GPR37: variants seen among roughly 807,000 people sequenced by gnomAD.
GPR37 encodes G protein-coupled receptor 37.
A neutral mutation model predicts 43.6 loss-of-function variants in GPR37; 20 were observed. The observed-to-expected ratio is 0.46, with a 90% CI of 0.32 to 0.67. The LOEUF (loss-of-function observed/expected upper bound fraction) is 0.67, where lower values mean the gene tolerates loss of function less well. GPR37 is among the 30% of genes least tolerant of loss of function. GPR37 has a pLI of 0.03. For synonymous variants in GPR37, 315 were observed against 322.6 expected (o/e 0.98, Z 0.25); for missense variants, 724 against 797.2 (o/e 0.91, Z 1.11).
intron 1 of GPR37, among the ~76,000 whole-genome samples, chr7:124,750,839 T>A (rs1176072508): frequency 6.6e-6 from 1 of 152,102 alleles, no homozygotes; most frequent in East Asian, 1.9e-4. Flanking sequence ...ACCTTCAATC[T>A]CATAAGACAA....
intron 1 of GPR37, among the ~76,000 whole-genome samples, chr7:124,761,678 T>C (rs1478888366): frequency 6.6e-6 from 1 of 152,242 alleles, no homozygotes; most frequent in Admixed American, 6.5e-5. Flanking sequence ...CCTCTTACTT[T>C]TGTGAAAACA....
rs542721228 is a variant in GPR37 at position 124,760,587 on chromosome 7, G to A, written c.1023+3367C>T. ...TCATTATATAACAAATGATGTTTAC[G>A]GGTTTTTATTTTTTCCTGTCTAGTG... On this transcript the variant is annotated intron_variant, in intron 1 of 1. Coordinates refer to ENST00000303921, the MANE Select transcript of GPR37 (RefSeq NM_005302.5). Among the ~76,000 whole-genome samples, 100 of 152,114 alleles carry A rather than the reference G, an allele frequency of 6.6e-4. 2 individuals are homozygous for A. The highest frequency in any genetic ancestry group is 7.7e-4 in the East Asian group (4 of 5,176).
intron 1 of GPR37, among the ~76,000 whole-genome samples, 189 bp from the exon 2 acceptor site, chr7:124,747,532 G>A (rs1297080150): frequency 6.6e-6 from 1 of 152,120 alleles, no homozygotes; most frequent in East Asian, 1.9e-4. Context: ...ATCATTGTAA[G>A]CATAAAAAAA....
At chr7:124,755,225 ATATT>A (rs1360096547) in intron 1 of GPR37, among the ~76,000 whole-genome samples, 1 of 152,084 alleles carries the variant, frequency 6.6e-6, no homozygotes, top group Non-Finnish European at 1.5e-5. Flanking sequence ...TTATCAACTG[ATATT>A]TAGTCTGATA....
chr7:124,754,335 C>A (rs1423088026), intron 1 of GPR37, among the ~76,000 whole-genome samples: 1 of 152,132 alleles, frequency 6.6e-6, no homozygotes, highest in Non-Finnish European at 1.5e-5. Flanking sequence ...GTCTTAGCTA[C>A]TGCTGCATTT....
intron 1 of GPR37, among the ~76,000 whole-genome samples, chr7:124,752,309 A>G (rs1562958739): frequency 6.6e-6 from 1 of 152,160 alleles, no homozygotes; most frequent in Non-Finnish European, 1.5e-5. Flanking sequence ...TTTAAGAGAG[A>G]AAGAGAGAGA....
chr7:124,763,898 C>A, intron 1 of GPR37, 56 bp downstream of exon 1: 1 of 1,505,192 alleles, frequency 6.6e-7, no homozygotes, highest in Non-Finnish European at 9.2e-7. Context: ...TTCTCTGATG[C>A]TATAATCCCG....
intron 1 of GPR37, among the ~76,000 whole-genome samples, chr7:124,762,544 G>A (rs1241620626): frequency 2.6e-5 from 4 of 151,434 alleles, no homozygotes; most frequent in Non-Finnish European, 4.4e-5. Flanking sequence ...TTGGTAAATA[G>A]ACACATATTC....
At chr7:124,759,517 T>C (rs1356583363) in intron 1 of GPR37, among the ~76,000 whole-genome samples, 3 of 152,238 alleles carry the variant, frequency 2.0e-5, no homozygotes, top group South Asian at 2.1e-4. Context: ...ATACAAGTTT[T>C]GTTTTGAGTA....
chr7:124,764,496 T>G lies in GPR37; in HGVS notation c.481A>C (p.Ile161Leu). The change falls in exon 1 of 2, where the codon ATT becomes CTT. Residue 161 changes from isoleucine to leucine, a missense_variant. Physicochemically the swap from Ile to Leu is conservative, Grantham distance 5. Around this residue, in one of 2 missense-constraint regions of GPR37, gnomAD observed 382 missense variants for 355.4 expected, o/e 1.07. Coordinates refer to ENST00000303921, the MANE Select transcript of GPR37 (RefSeq NM_005302.5). This position sits in a 1 kb window ranked among gnomAD's most constrained non-coding sequence, Gnocchi z 5.4. ...EEEKGPRGAGISGRSQEQSVK... is the reference protein window; with the variant it reads ...EEEKGPRGAGLSGRSQEQSVK... ...CTCTGCTCCTGGCTACGCCCGGAAA[T>G]GCCAGCGCCTCTGGGACCCTTCTCT... 1 of 1,613,604 alleles carries G rather than the reference T, an allele frequency of 6.2e-7. No homozygotes were observed. The highest frequency in any genetic ancestry group is 8.5e-7 in the Non-Finnish European group (1 of 1,180,028).
chr7:124,747,059 G>A lies in GPR37; in HGVS notation c.1308C>T (p.Leu436=), dbSNP rs1793680440. The part of the protein sequence containing the change: ...DLPDTIYVLA[L]TYDSARLWWY... ...ACCACAGTCTCGCACTGTCGTAGGTGAGGGCTAGAACATAGATGGTGTCTG... is the reference window on the plus strand; with the variant it reads ...ACCACAGTCTCGCACTGTCGTAGGTAAGGGCTAGAACATAGATGGTGTCTG... The change falls in exon 2 of 2, where the codon CTC becomes CTT. Residue 436 remains leucine, a synonymous_variant. Transcript: ENST00000303921. 6.2e-7 allele frequency: 1 copy of A among 1,613,990 alleles called. No homozygotes were observed. Among genetic ancestry groups the A allele is most frequent in the Non-Finnish European group, 8.5e-7 (1 of 1,179,914 alleles).
Position 124,764,205 on chromosome 7 carries a change from A to T in GPR37, c.772T>A (p.Ser258Thr). 2 of 1,592,208 alleles carry T rather than the reference A, an allele frequency of 1.3e-6. No individual in the cohort carries two copies. The highest frequency in any genetic ancestry group is 1.7e-6 in the Non-Finnish European group (2 of 1,169,174). The change falls in exon 1 of 2, where the codon TCC becomes ACC. Residue 258 changes from serine to threonine, a missense_variant. This residue lies in a region of GPR37 where 382 missense variants were observed against 355.4 expected (regional missense o/e 1.07). Transcript: ENST00000303921. This position sits in a 1 kb window ranked among gnomAD's most constrained non-coding sequence, Gnocchi z 5.4. ...KNPFYPLTQE[S>T]YGAYAVMCLS... is the part of the protein sequence containing the mutation. ...CACATGACCGCGTAGGCTCCATAGG[A>T]CTCCTGGGTCAGCGGGTAGAAGGGG...
At chr7:124,761,613 T>C (rs1214041753) in intron 1 of GPR37, among the ~76,000 whole-genome samples, 1 of 152,130 alleles carries the variant, frequency 6.6e-6, no homozygotes, top group Admixed American at 6.5e-5. Flanking sequence ...CCCCAATAAA[T>C]CTACATCTCA....
Position 124,744,879 on chromosome 7 carries a change from G to C in GPR37, c.*1646C>G, listed in dbSNP as rs1793653374. The C allele has an allele frequency of 6.6e-6, 1 of 152,134 alleles. No homozygotes were observed. Among genetic ancestry groups the C allele is most frequent in the African/African-American group, 2.4e-5 (1 of 41,428 alleles). 9.4% of individuals were successfully genotyped at this position (152,134 alleles called of 1,614,324 possible). A position where few individuals can be genotyped will look rare whatever the true frequency, so the allele number is the denominator to read the frequency against. On this transcript the variant is annotated 3_prime_UTR_variant, in exon 2 of 2. Transcript: ENST00000303921. ...TCAGGAGAGACACTATGGAATCACA[G>C]TTGCTGTTCTGCTCAGCAGCCAAAA...
rs1264826611 is a variant in GPR37, at chr7:124,745,532, T to C, written c.*993A>G. On this transcript the variant is annotated 3_prime_UTR_variant, in exon 2 of 2. Transcript: ENST00000303921. ...TATTATTCCACTCCTATACTTTCATTGCACTTAAAGAAATTAAGTTGTATA... is the reference window on the plus strand; with the variant it reads ...TATTATTCCACTCCTATACTTTCATCGCACTTAAAGAAATTAAGTTGTATA... Among the ~76,000 whole-genome samples the C allele has an allele frequency of 1.3e-5, 2 of 152,194 alleles. No individual in the cohort carries two copies. The highest frequency in any genetic ancestry group is 2.4e-5 in the African/African-American group (1 of 41,456).
chr7:124,749,447 T>C (rs1322632540), intron 1 of GPR37, among the ~76,000 whole-genome samples: 1 of 152,104 alleles, frequency 6.6e-6, no homozygotes, highest in East Asian at 1.9e-4. Flanking sequence ...TAATATCTCA[T>C]TTTTTAAAAG....
In GPR37 at chr7:124,745,123, A is replaced by C. The variant is rs1184718365; in HGVS notation, c.*1402T>G. The C allele has an allele frequency of 6.6e-6, 1 of 152,230 alleles. No homozygotes were observed. Among genetic ancestry groups the C allele is most frequent in the Admixed American group, 6.5e-5 (1 of 15,276 alleles). The allele number at this position is 152,230 out of a possible 1,614,324, so 9.4% of individuals were successfully genotyped here. On this transcript the variant is annotated 3_prime_UTR_variant, in exon 2 of 2. Coordinates refer to ENST00000303921, the MANE Select transcript of GPR37 (RefSeq NM_005302.5). ...CCAATCTCTTTAATGATTTTTAAAT[A>C]ACATCATGTTATAATTTGGAAAAAG...
chr7:124,746,838 A>C lies in GPR37; in HGVS notation c.1529T>G (p.Ile510Ser), dbSNP rs1408294908. ...CATGTAGGCAGTAACAATGTTGCAGATATTTTCAGGAATAATGCAAAATCC... is the reference window on the plus strand; with the variant it reads ...CATGTAGGCAGTAACAATGTTGCAGCTATTTTCAGGAATAATGCAAAATCC... ...LYGFCIIPEN[I>S]CNIVTAYMAT... is the part of the protein sequence containing the mutation. The change falls in exon 2 of 2, where the codon ATC becomes AGC. Residue 510 changes from isoleucine to serine, a missense_variant. Transcript: ENST00000303921. 1.3e-5 allele frequency: 21 copies of C among 1,613,962 alleles called. No homozygotes were observed. The highest frequency in any genetic ancestry group is 1.7e-5 in the Non-Finnish European group (20 of 1,179,962).
intron 1 of GPR37, among the ~76,000 whole-genome samples, chr7:124,763,567 G>GTTT (rs60841771): frequency 2.7e-5 from 4 of 147,292 alleles, no homozygotes; most frequent in African/African-American, 7.5e-5. Flanking sequence ...AAATGCTAAT[G>GTTT]TTTTTTTTTT....
Sources: gnomAD v4.1 joint callset for allele counts (sites outside exome capture counted in the v4.1 genomes callset) on GRCh38, gnomAD v4.1.1 for gene constraint, gnomAD v4.1.1 regional missense constraint, Gnocchi (gnomAD v3.1) non-coding constraint, MANE v1.5 for transcripts, NCBI Gene and HGNC (gene_info 2026-07-23, HGNC 2026-07-21) for gene names.